GAL: variants seen among roughly 807,000 people sequenced by gnomAD.
GAL encodes galanin and GMAP prepropeptide, also known as galanin peptides.
Under a neutral mutation model 15.8 loss-of-function variants are expected in GAL, and 14 were observed. The ratio of observed to expected loss-of-function variants is 0.89; its 90% CI spans 0.59 to 1.39. The LOEUF (loss-of-function observed/expected upper bound fraction) is 1.39, where lower values mean the gene tolerates loss of function less well. Among genes scored for constraint, GAL ranks in the 40% most tolerant of loss-of-function variants. GAL has a pLI of 0.00. For missense variants in GAL, 176 were observed against 170.4 expected (o/e 1.03, Z -0.18); for synonymous variants, 79 against 73.8 (o/e 1.07, Z -0.36).
chr11:68,687,169 C>T (rs188268815), intron 3 of GAL, among the ~76,000 whole-genome samples: 47 of 152,256 alleles, frequency 3.1e-4, no homozygotes, highest in African/African-American at 1.1e-3. Context: ...TCTGGAAATA[C>T]GCGTTAATTC....
At chr11:68,685,133 T>A in intron 2 of GAL, 129 bp downstream of exon 2, 1 of 650,364 alleles carries the variant, frequency 1.5e-6, no homozygotes. Flanking sequence ...AGGCGGGCGC[T>A]GTCCTGGCTG....
rs1349142545 is a variant in GAL, at chr11:68,688,852, GC to G, written c.228del (p.Phe77LeufsTer59). 1 of 1,507,136 alleles carries G rather than the reference GC, an allele frequency of 6.6e-7. No homozygotes were observed. Among genetic ancestry groups the G allele is most frequent in the Non-Finnish European group, 9.2e-7 (1 of 1,082,624 alleles). 93.4% of individuals were successfully genotyped at this position (1,507,136 alleles called of 1,614,324 possible). On this transcript the variant is annotated frameshift_variant, in exon 5 of 6. Transcript: ENST00000265643. LOFTEE classifies it high-confidence loss of function. ...ATGTTGATCTTTTCTCTTCTAGGAA[GC>G]TTTGACAGGTCCATACCTGAAAACA... ...LRPEDDMKPG[S>X]FDRSIPENNI...
chr11:68,684,842 C>A, intron 1 of GAL, 82 bp from the exon 2 acceptor site: 1 of 837,274 alleles, frequency 1.2e-6, no homozygotes, highest in Non-Finnish European at 1.9e-6. Context: ...GCCTCTGCTC[C>A]TCCCCGCAGC....
intron 3 of GAL, among the ~76,000 whole-genome samples, chr11:68,686,622 C>G (rs770570115): frequency 8.5e-5 from 13 of 152,334 alleles, no homozygotes; most frequent in East Asian, 5.8e-4. Context: ...AAGAAACAGA[C>G]ACGGGGATGA....
chr11:68,687,951 G>A, intron 3 of GAL, 63 bp from the exon 4 acceptor site: 1 of 996,120 alleles, frequency 1.0e-6, no homozygotes, highest in East Asian at 2.4e-5. Flanking sequence ...GTCCTTCTTT[G>A]GGTGTGGGGA....
rs772658511 is a variant in GAL, at chr11:68,685,623, C to G, written c.111C>G (p.Asn37Lys). Residue 37 changes from asparagine to lysine, a missense_variant, in exon 3 of 6, where the codon AAC (asparagine) becomes AAG (lysine). By Grantham distance (94) the Asn-to-Lys change is moderately conservative. Coordinates refer to ENST00000265643, the MANE Select transcript of GAL (RefSeq NM_015973.5). ...AGGAAAAACGAGGCTGGACCCTGAA[C>G]AGCGCGGGCTACCTGCTGGGCCCAC... ...PAKEKRGWTL[N>K]SAGYLLGPHA... The G allele has an allele frequency of 3.1e-6, 5 of 1,613,540 alleles. No homozygotes were observed. In the South Asian group the frequency reaches 5.5e-5, roughly 18 times the overall value.
chr11:68,689,966 G>T (rs540307458), intron 5 of GAL, among the ~76,000 whole-genome samples: 1 of 152,254 alleles, frequency 6.6e-6, no homozygotes. Flanking sequence ...AAGCGGCCCC[G>T]GTGCTCTGAG....
In GAL at chr11:68,691,087, TTC is replaced by T; in HGVS notation, c.*104_*105del. ...ATTTATGCAGAGTCAGCCATTCCTG[TTC>T]TCTTTGCCTTGATGTTGTGTTGTTA... On this transcript the variant is annotated 3_prime_UTR_variant, in exon 6 of 6. Coordinates refer to ENST00000265643, the MANE Select transcript of GAL (RefSeq NM_015973.5). 1 of 772,834 alleles carries T rather than the reference TTC, an allele frequency of 1.3e-6. No homozygotes were observed. The highest frequency in any genetic ancestry group is 2.5e-5 in the East Asian group (1 of 40,336). 47.9% of individuals were successfully genotyped at this position (772,834 alleles called of 1,614,324 possible).
chr11:68,685,984 C>T (rs1043028114), intron 3 of GAL, among the ~76,000 whole-genome samples: 1 of 152,190 alleles, frequency 6.6e-6, no homozygotes, highest in Admixed American at 6.5e-5. Flanking sequence ...CCTCGGCTTG[C>T]AGAGCACCCT....
intron 3 of GAL, among the ~76,000 whole-genome samples, chr11:68,687,414 C>A (rs1196673251): frequency 1.3e-5 from 2 of 152,064 alleles, no homozygotes; most frequent in Non-Finnish European, 2.9e-5. Flanking sequence ...CACCACGAAA[C>A]ACACCCACAC....
chr11:68,684,815 G>A (rs1339945005), intron 1 of GAL, 83 bp downstream of exon 1: 2 of 671,110 alleles, frequency 3.0e-6, no homozygotes, highest in Non-Finnish European at 5.2e-6. Context: ...TTCTGCCAGG[G>A]CCCTGGCCCG....
chr11:68,685,180 T>TC (rs575475882), intron 2 of GAL, among the ~76,000 whole-genome samples, 176 bp downstream of exon 2: 185 of 152,222 alleles, frequency 1.2e-3, no homozygotes, highest in African/African-American at 3.7e-3. Flanking sequence ...TCCCTGGGAT[T>TC]CCCCCCGCGC....
In GAL at chr11:68,685,629, G is replaced by C. The variant is rs772807519; in HGVS notation, c.117G>C (p.Ala39=). The change falls in exon 3 of 6, where the codon GCG becomes GCC. Residue 39 remains alanine (A), a synonymous_variant. Transcript: ENST00000265643. ...AACGAGGCTGGACCCTGAACAGCGCGGGCTACCTGCTGGGCCCACGTAAGT... is the reference window on the plus strand; with the variant it reads ...AACGAGGCTGGACCCTGAACAGCGCCGGCTACCTGCTGGGCCCACGTAAGT... The part of the protein sequence containing the change: ...KEKRGWTLNS[A]GYLLGPHAVG... 4 of 1,613,262 alleles carry C rather than the reference G, an allele frequency of 2.5e-6. No homozygotes were observed. The highest frequency in any genetic ancestry group is 3.3e-5 in the Admixed American group (2 of 59,986).
intron 3 of GAL, among the ~76,000 whole-genome samples, chr11:68,687,203 G>C (rs1221048779): frequency 2.0e-5 from 3 of 152,054 alleles, no homozygotes; most frequent in Non-Finnish European, 4.4e-5. Flanking sequence ...CTTGTAGATG[G>C]CACAGTCCAC....
Position 68,685,598 on chromosome 11 carries a change from A to C in GAL, c.86A>C (p.Lys29Thr). ...ATCCCCTTTTCTCCCTTCAAGGCCA[A>C]GGAAAAACGAGGCTGGACCCTGAAC... ...SASAGLWSPAKEKRGWTLNSA... is the reference protein window; with the variant it reads ...SASAGLWSPATEKRGWTLNSA... Residue 29 changes from lysine (K) to threonine (T), a missense_variant, in exon 3 of 6, where the codon AAG (lysine) becomes ACG (threonine). Lys to Thr is a moderately conservative substitution (Grantham distance 78). Coordinates refer to ENST00000265643, the MANE Select transcript of GAL (RefSeq NM_015973.5). 6.2e-7 allele frequency: 1 copy of C among 1,612,920 alleles called. No individual in the cohort carries two copies.
chr11:68,687,170 G>A (rs763183810), intron 3 of GAL, among the ~76,000 whole-genome samples: 9 of 152,192 alleles, frequency 5.9e-5, no homozygotes, highest in African/African-American at 4.8e-5. Flanking sequence ...CTGGAAATAC[G>A]CGTTAATTCT....
In GAL at chr11:68,690,963, C is replaced by T. The variant is rs199623973; in HGVS notation, c.348C>T (p.Ser116=). The T allele has an allele frequency of 2.5e-6, 4 of 1,613,224 alleles. No homozygotes were observed. In the East Asian group the frequency reaches 8.9e-5, roughly 36 times the overall value. ...DRLLDLPAAA[S]SEDIERS ...TCCTGGATCTCCCCGCCGCAGCCTC[C>T]TCAGAAGACATCGAGCGGTCCTGAG... The change falls in exon 6 of 6, where the codon TCC becomes TCT. Residue 116 remains serine (S), a synonymous_variant. Coordinates refer to ENST00000265643, the MANE Select transcript of GAL (RefSeq NM_015973.5).
rs148372434 is a variant in GAL, at chr11:68,685,807, G to A, written c.136+159G>A. On this transcript the variant is annotated intron_variant, in intron 3 of 5. Coordinates refer to ENST00000265643, the MANE Select transcript of GAL (RefSeq NM_015973.5). The stretch of plus-strand genomic sequence containing the variant: ...TGCTCTGCACACTTGATCTGTGTAC[G>A]GTTCTTTCCAGAAGCTTCTCCTGCC... 4.2e-3 allele frequency among the ~76,000 whole-genome samples: 640 copies of A among 152,258 alleles called. 2 individuals are homozygous for A. Among genetic ancestry groups the A allele is most frequent in the Non-Finnish European group, 7.1e-3 (482 of 68,022 alleles).
rs1346657952 is a variant in GAL at position 68,684,711 on chromosome 11, C to G, written c.-22C>G. The stretch of plus-strand genomic sequence containing the variant: ...GCACCCGGACCCCGACGCTCCGAAC[C>G]CGGGCGCAGCCGCAGCTCAAGGTAC... On this transcript the variant is annotated 5_prime_UTR_variant, in exon 1 of 6. Transcript: ENST00000265643. The G allele has an allele frequency of 1.2e-5, 5 of 425,402 alleles. No individual in the cohort carries two copies. The highest frequency in any genetic ancestry group is 6.2e-4 in the Middle Eastern group (1 of 1,620). 26.4% of individuals were successfully genotyped at this position (425,402 alleles called of 1,614,324 possible).
Sources: gnomAD v4.1 joint callset for allele counts (sites outside exome capture counted in the v4.1 genomes callset) on GRCh38, gnomAD v4.1.1 for gene constraint, MANE v1.5 for transcripts, NCBI Gene and HGNC (gene_info 2026-07-23, HGNC 2026-07-21) for gene names.